STPG4: variants seen among roughly 807,000 people sequenced by gnomAD.
STPG4 encodes the protein sperm-tail PG-rich repeat containing 4.
In STPG4, 41 loss-of-function variants were observed where a neutral mutation model predicts 31.5. The ratio of observed to expected loss-of-function variants is 1.30; its 90% CI spans 1.01 to 1.69. STPG4 has a LOEUF of 1.69. Among genes scored for constraint, STPG4 ranks in the 40% most tolerant of loss-of-function variants. The pLI is 0.00. For synonymous variants in STPG4, 141 were observed against 103.0 expected (o/e 1.37, Z -2.24); for missense variants, 375 against 293.4 (o/e 1.28, Z -2.03).
chr2:47,118,071 A>C (rs1477100186), intron 5 of STPG4, among the ~76,000 whole-genome samples: 1 of 152,078 alleles, frequency 6.6e-6, no homozygotes, highest in South Asian at 2.1e-4. Context: ...TGACAGCACA[A>C]TATTGACTAC....
intron 5 of STPG4, among the ~76,000 whole-genome samples, chr2:47,099,945 C>A (rs1208237278): frequency 2.0e-5 from 3 of 152,158 alleles, no homozygotes; most frequent in South Asian, 2.1e-4. Flanking sequence ...CTCAGTTTCT[C>A]GCTGGGTCTT....
intron 5 of STPG4, among the ~76,000 whole-genome samples, chr2:47,115,945 G>A (rs1416595022): frequency 5.3e-5 from 8 of 152,152 alleles, no homozygotes; most frequent in Non-Finnish European, 1.5e-5. Flanking sequence ...TGAGCCACCA[G>A]GCCCGACCTA....
At chr2:47,154,436 T>C (rs554428900) in intron 1 of STPG4, among the ~76,000 whole-genome samples, 2 of 152,326 alleles carry the variant, frequency 1.3e-5, no homozygotes, top group African/African-American at 4.8e-5. Flanking sequence ...ATCAATCTAA[T>C]GGAAGACAAT....
Position 47,130,208 on chromosome 2 carries a change from T to C in STPG4, c.452A>G (p.Lys151Arg), listed in dbSNP as rs749039334. Residue 151 changes from lysine (K) to arginine (R), a missense_variant, in exon 4 of 7, where the codon AAA becomes AGA. Lys to Arg is a conservative substitution (Grantham distance 26). Coordinates refer to ENST00000445927, the MANE Select transcript of STPG4 (RefSeq NM_001163561.2). ...QYNVLPAPVPKYASRSCVFRS... is the reference protein window; with the variant it reads ...QYNVLPAPVPRYASRSCVFRS... ...AGTATATAATTACCTGGAAGCATAT[T>C]TGGGAACTGGTGCAGGAAGCACGTT... is the stretch of plus-strand genomic sequence containing the variant. 3 of 1,613,792 alleles carry C rather than the reference T, an allele frequency of 1.9e-6. No homozygotes were observed. Among genetic ancestry groups the C allele is most frequent in the Non-Finnish European group, 2.5e-6 (3 of 1,179,664 alleles).
At chr2:47,150,577 A>G (rs1198598644) in intron 3 of STPG4, among the ~76,000 whole-genome samples, 1 of 151,682 alleles carries the variant, frequency 6.6e-6, no homozygotes, top group Admixed American at 6.6e-5. Context: ...GTACAGTCAT[A>G]TAATCATAGC....
chr2:47,105,594 C>A (rs1050299511), intron 5 of STPG4, among the ~76,000 whole-genome samples: 3 of 151,972 alleles, frequency 2.0e-5, no homozygotes, highest in African/African-American at 7.3e-5. Flanking sequence ...TCTTAGAAGT[C>A]CCCTTAACTA....
intron 5 of STPG4, among the ~76,000 whole-genome samples, chr2:47,114,637 C>G (rs894701978): frequency 6.6e-6 from 1 of 152,218 alleles, no homozygotes; most frequent in East Asian, 1.9e-4. Flanking sequence ...AGTTATAACA[C>G]AAATTATCCA....
intron 3 of STPG4, among the ~76,000 whole-genome samples, chr2:47,140,858 C>T (rs750027413): frequency 6.6e-6 from 1 of 151,766 alleles, no homozygotes; most frequent in East Asian, 1.9e-4. Flanking sequence ...AAGGTGAATG[C>T]AGCCAGAAGG....
chr2:47,099,163 C>A (rs1368461179), intron 5 of STPG4, among the ~76,000 whole-genome samples: 1 of 152,214 alleles, frequency 6.6e-6, no homozygotes, highest in Non-Finnish European at 1.5e-5. Context: ...TTCACAGGAA[C>A]ACACATGCCA....
chr2:47,117,329 C>G (rs548379816), intron 5 of STPG4, among the ~76,000 whole-genome samples: 2 of 152,176 alleles, frequency 1.3e-5, no homozygotes, highest in Admixed American at 1.3e-4. Flanking sequence ...CCTGCCTCAC[C>G]CTCCCGAGTA....
intron 5 of STPG4, among the ~76,000 whole-genome samples, chr2:47,092,983 G>C (rs1685601901): frequency 6.6e-6 from 1 of 152,112 alleles, no homozygotes; most frequent in African/African-American, 2.4e-5. Context: ...AGTAGAGATG[G>C]GGTTTCACCA....
rs368049877 is a variant in STPG4, at chr2:47,152,043, G to A, written c.142-528C>T. 1.2e-3 allele frequency among the ~76,000 whole-genome samples: 175 copies of A among 152,164 alleles called. 1 individual carries two copies. Among genetic ancestry groups the A allele is most frequent in the African/African-American group, 3.9e-3 (163 of 41,492 alleles). On this transcript the variant is annotated intron_variant, in intron 2 of 6. Transcript: ENST00000445927. ...ATCCCAAAGTGCTGGGATTACAGGC[G>A]TGAGCCACCAGGCCCGGCCGAAATT... is the stretch of plus-strand genomic sequence containing the variant.
At chr2:47,144,812 C>T (rs1213622872) in intron 3 of STPG4, among the ~76,000 whole-genome samples, 2 of 152,084 alleles carry the variant, frequency 1.3e-5, no homozygotes, top group African/African-American at 4.8e-5. Context: ...CTCACTGCAA[C>T]CTCCGCCTCC....
intron 5 of STPG4, among the ~76,000 whole-genome samples, chr2:47,128,644 T>G (rs544453987): frequency 6.6e-6 from 1 of 152,162 alleles, no homozygotes; most frequent in African/African-American, 2.4e-5. Flanking sequence ...AGTCAGCTTG[T>G]GAGGAAGGCT....
intron 3 of STPG4, among the ~76,000 whole-genome samples, chr2:47,142,909 T>C (rs2103797010): frequency 7.0e-6 from 1 of 143,208 alleles, no homozygotes; most frequent in East Asian, 2.2e-4. Context: ...AGTGGCGCGA[T>C]CTTGGCTCAC....
intron 3 of STPG4, among the ~76,000 whole-genome samples, chr2:47,133,132 T>C (rs918897319): frequency 2.0e-5 from 3 of 152,102 alleles, no homozygotes; most frequent in African/African-American, 7.2e-5. Context: ...TATATATATG[T>C]GCATATATAT....
rs552933906 is a variant in STPG4, at chr2:47,125,123, AT to A, written c.519+4817del. On this transcript the variant is annotated intron_variant, in intron 5 of 6. Coordinates refer to ENST00000445927, the MANE Select transcript of STPG4 (RefSeq NM_001163561.2). ...GCCTATTTTTTAAACAAATTATTAG[AT>A]TTTTTTCCTATTGAGGTTGGGCATG... 2.2e-3 allele frequency among the ~76,000 whole-genome samples: 339 copies of A among 152,068 alleles called. 1 individual carries two copies. The highest frequency in any genetic ancestry group is 4.1e-3 in the Non-Finnish European group (276 of 67,962).
chr2:47,137,427 G>C (rs1686617900), intron 3 of STPG4, among the ~76,000 whole-genome samples: 1 of 152,110 alleles, frequency 6.6e-6, no homozygotes, highest in South Asian at 2.1e-4. Context: ...AGACATATTG[G>C]TCTGTAGTTT....
intron 6 of STPG4, 98 bp downstream of exon 6, chr2:47,090,172 C>T: frequency 1.3e-6 from 1 of 783,902 alleles, no homozygotes; most frequent in Non-Finnish European, 2.1e-6. Context: ...CCCCATCTCA[C>T]CACCACCCCG....
Sources: allele counts gnomAD v4.1 joint callset (sites outside exome capture counted in the v4.1 genomes callset), GRCh38; gene constraint gnomAD v4.1.1; transcripts MANE v1.5; gene names NCBI Gene and HGNC (gene_info 2026-07-23, HGNC 2026-07-21).